Variants in LRRC39 observed in about 807,000 individuals in gnomAD.
The protein encoded by LRRC39 is leucine rich repeat containing 39, also known as leucine-rich repeat-containing protein 39.
LRRC39 carries 35 observed loss-of-function variants against 39.7 expected under a neutral mutation model. The ratio of observed to expected loss-of-function variants is 0.88; its 90% CI spans 0.67 to 1.17. The LOEUF is 1.17. Ranked by LOEUF, LRRC39 falls within the 50% of genes most tolerant of loss-of-function variation. The probability of loss-of-function intolerance (pLI) is 0.00; values close to 1 mark genes in which losing one functional copy is unlikely to be tolerated. For synonymous variants in LRRC39, 113 were observed against 134.1 expected (o/e 0.84, Z 1.09); for missense variants, 357 against 385.8 (o/e 0.93, Z 0.62).
At position 100,159,329 on chromosome 1, in the gene LRRC39, A is replaced by G. The variant is rs778616825; in HGVS notation, c.306T>C (p.Ile102=). The G allele has an allele frequency of 1.2e-6, 2 of 1,611,482 alleles. No individual in the cohort carries two copies. Among genetic ancestry groups the G allele is most frequent in the East Asian group, 4.5e-5 (2 of 44,674 alleles). The part of the protein sequence containing the change: ...RTGLLKIPEF[I]GRFQNLIVLD... ...ACACAATGAGGTTCTGGAATCTTCC[A>G]ATGAATTCAGGAATTTTCAGCAAAC... Residue 102 remains isoleucine, a synonymous_variant, in exon 5 of 10, where the codon ATT becomes ATC. Coordinates refer to ENST00000370137, the MANE Select transcript of LRRC39 (RefSeq NM_144620.4).
Position 100,155,085 on chromosome 1 carries a change from T to C in LRRC39, c.778A>G (p.Ile260Val). Residue 260 changes from isoleucine to valine, a missense_variant, in exon 8 of 10, where the codon ATT (isoleucine) becomes GTT (valine). Ile to Val is a conservative substitution (Grantham distance 29). Transcript: ENST00000370137. The part of the protein sequence containing the change: ...LVLSNNKLQD[I>V]PVCMEEMANL... ...GCCATTTCTTCCATGCATACTGGAATATCTTGCAGTTTATTGTTGCTGAGA... is the reference window on the plus strand; with the variant it reads ...GCCATTTCTTCCATGCATACTGGAACATCTTGCAGTTTATTGTTGCTGAGA... The C allele has an allele frequency of 6.2e-7, 1 of 1,601,798 alleles. No homozygotes were observed.
In LRRC39 at chr1:100,156,146, T is replaced by C. The variant is rs1658426683; in HGVS notation, c.659+26A>G. The C allele has an allele frequency of 2.5e-6, 4 of 1,591,172 alleles. No homozygotes were observed. In the South Asian group the frequency reaches 4.6e-5, roughly 18 times the overall value. The stretch of plus-strand genomic sequence containing the variant: ...ATAAGAGGTTTCAAGACTTTTATCA[T>C]TAGCATAAAGAGTTATTTCTTTTAC... On this transcript the variant is annotated intron_variant, in intron 7 of 9. Transcript: ENST00000370137.
intron 3 of LRRC39, among the ~76,000 whole-genome samples, chr1:100,167,780 AT>A (rs1659345422): frequency 0.031 from 285 of 9,286 alleles, 3 homozygotes; most frequent in African/African-American, 0.14. Flanking sequence ...CATTTCAAAA[AT>A]AATAATAATA....
chr1:100,173,808 C>T (rs755528443), intron 1 of LRRC39, among the ~76,000 whole-genome samples: 19 of 151,874 alleles, frequency 1.3e-4, no homozygotes, highest in Admixed American at 4.6e-4. Context: ...TATATTCCAG[C>T]GGAAAATATA....
At position 100,155,181 on chromosome 1, in the gene LRRC39, A is replaced by G. The variant is rs1424331990; in HGVS notation, c.682T>C (p.Trp228Arg). 1.2e-6 allele frequency: 2 copies of G among 1,602,074 alleles called. No homozygotes were observed. Among genetic ancestry groups the G allele is most frequent in the Non-Finnish European group, 8.5e-7 (1 of 1,176,576 alleles). Residue 228 changes from tryptophan to arginine, a missense_variant, in exon 8 of 10, where the codon TGG becomes CGG. Physicochemically the swap from Trp to Arg is moderately radical, Grantham distance 101. Transcript: ENST00000370137. ...CATGTTATTTCATTTCGTTGCAGCC[A>G]TAACGTATGTAGATTTTGCATTCTG... ...IERMQNLHTL[W>R]LQRNEITCLP...
chr1:100,160,422 C>CA (rs771533442), intron 4 of LRRC39, 44 bp downstream of exon 4: 4 of 1,534,156 alleles, frequency 2.6e-6, no homozygotes, highest in Non-Finnish European at 3.6e-6. Context: ...AACTGACTCA[C>CA]AAAATGCAAA....
At chr1:100,151,018 T>A (rs1657955606) in intron 9 of LRRC39, among the ~76,000 whole-genome samples, 1 of 149,052 alleles carries the variant, frequency 6.7e-6, no homozygotes. Flanking sequence ...TGTAAGCTAC[T>A]CAGGAGGCTG....
chr1:100,166,859 C>G lies in LRRC39; in HGVS notation c.113+1545G>C, dbSNP rs183129353. Among the ~76,000 whole-genome samples the G allele has an allele frequency of 7.6e-4, 115 of 152,286 alleles. 1 individual carries two copies. The highest frequency in any genetic ancestry group is 1.5e-3 in the Non-Finnish European group (100 of 68,002). Reference sequence around the variant, plus strand: ...CCCTTTCACTTGGTTCTCATTCTCTCTTTGCCAGCTGCCATGTAAGATGTC... The same window carrying G: ...CCCTTTCACTTGGTTCTCATTCTCTGTTTGCCAGCTGCCATGTAAGATGTC... On this transcript the variant is annotated intron_variant, in intron 3 of 9. Coordinates refer to ENST00000370137, the MANE Select transcript of LRRC39 (RefSeq NM_144620.4).
chr1:100,155,790 ATC>A (rs763381034), intron 7 of LRRC39, among the ~76,000 whole-genome samples: 4 of 152,180 alleles, frequency 2.6e-5, no homozygotes, highest in Non-Finnish European at 4.4e-5. Context: ...GTTAGCTAAC[ATC>A]TCTGTCATTA....
intron 6 of LRRC39, 115 bp downstream of exon 6, chr1:100,158,116 T>A (rs1423757011): frequency 2.1e-5 from 24 of 1,165,292 alleles, no homozygotes; most frequent in Non-Finnish European, 2.9e-5. Context: ...TCTAAATATT[T>A]TTTCTGAAAT....
At chr1:100,174,984 G>A (rs1476127798) in intron 1 of LRRC39, among the ~76,000 whole-genome samples, 1 of 152,160 alleles carries the variant, frequency 6.6e-6, no homozygotes, top group Non-Finnish European at 1.5e-5. Context: ...CTTTAAGTTT[G>A]TGGCACCTCC....
intron 3 of LRRC39, among the ~76,000 whole-genome samples, chr1:100,161,264 C>T (rs759226703): frequency 6.6e-6 from 1 of 152,168 alleles, no homozygotes; most frequent in Non-Finnish European, 1.5e-5. Context: ...CCATTCTTCC[C>T]TCTCATACCT....
At chr1:100,173,092 T>C (rs534025119) in intron 2 of LRRC39, among the ~76,000 whole-genome samples, 1 of 150,594 alleles carries the variant, frequency 6.6e-6, no homozygotes, top group Non-Finnish European at 1.5e-5. Flanking sequence ...ATACAAAAAT[T>C]AGCCAGGTGT....
At position 100,155,147 on chromosome 1, in the gene LRRC39, T is replaced by G; in HGVS notation, c.716A>C (p.Gln239Pro). 6.2e-7 allele frequency: 1 copy of G among 1,610,698 alleles called. No homozygotes were observed. Among genetic ancestry groups the G allele is most frequent in the Non-Finnish European group, 8.5e-7 (1 of 1,178,666 alleles). Reference sequence around the variant, plus strand: ...CAGATTTTTCATATTGCTGATTGTTTGAGGCAAGCATGTTATTTCATTTCG... The same window carrying G: ...CAGATTTTTCATATTGCTGATTGTTGGAGGCAAGCATGTTATTTCATTTCG... ...LQRNEITCLP[Q>P]TISNMKNLGT... The change falls in exon 8 of 10, where the codon CAA becomes CCA. Residue 239 changes from glutamine (Q) to proline (P), a missense_variant. Transcript: ENST00000370137.
chr1:100,154,859 T>C (rs1176425982), intron 8 of LRRC39, among the ~76,000 whole-genome samples, 192 bp downstream of exon 8: 3 of 152,260 alleles, frequency 2.0e-5, no homozygotes, highest in African/African-American at 7.2e-5. Context: ...TTAAGGATTC[T>C]TTCTTGAATA....
Position 100,152,356 on chromosome 1 carries a change from T to C in LRRC39, c.952+29A>G, listed in dbSNP as rs766510845. On this transcript the variant is annotated intron_variant, in intron 9 of 9. Transcript: ENST00000370137. The stretch of plus-strand genomic sequence containing the variant: ...CACACATTACTCTACCAAAAAACAT[T>C]TAATCTGTGTTATATACAAATCTTA... The C allele has an allele frequency of 3.1e-6, 5 of 1,597,788 alleles. No individual in the cohort carries two copies. The South Asian group carries it at 5.6e-5, about 18-fold the overall frequency.
At chr1:100,159,162 TA>T in intron 5 of LRRC39, 96 bp downstream of exon 5, 2 of 1,061,814 alleles carry the variant, frequency 1.9e-6, no homozygotes, top group Non-Finnish European at 2.6e-6. Context: ...GAGGGCTGTA[TA>T]AAGAGGTCTT....
chr1:100,152,581 T>G, intron 8 of LRRC39, 57 bp from the exon 9 acceptor site: 1 of 1,562,338 alleles, frequency 6.4e-7, no homozygotes. Context: ...GTACATTTAT[T>G]TCCCTGGAGA....
chr1:100,165,042 A>G (rs963497519), intron 3 of LRRC39, among the ~76,000 whole-genome samples: 4 of 152,194 alleles, frequency 2.6e-5, no homozygotes, highest in Non-Finnish European at 4.4e-5. Flanking sequence ...TTTTAAACCT[A>G]ACCTTTGATC....
Sources: gnomAD v4.1 joint callset for allele counts (sites outside exome capture counted in the v4.1 genomes callset) on GRCh38, gnomAD v4.1.1 for gene constraint, MANE v1.5 for transcripts, NCBI Gene and HGNC (gene_info 2026-07-23, HGNC 2026-07-21) for gene names.